Variants in TRPV4 observed in about 807,000 individuals in gnomAD.
The protein encoded by TRPV4 is transient receptor potential cation channel subfamily V member 4, also known as OSM9-like transient receptor potential channel 4.
A neutral mutation model predicts 84.1 loss-of-function variants in TRPV4; 58 were observed. That is an observed-to-expected ratio of 0.69 (90% CI 0.56 to 0.86). The LOEUF (loss-of-function observed/expected upper bound fraction) is 0.86, where lower values mean the gene tolerates loss of function less well. Among genes scored for constraint, TRPV4 ranks in the 40% least tolerant of loss-of-function variants. TRPV4 has a pLI of 0.00. For missense variants in TRPV4, 879 were observed against 1,181.1 expected, an observed-to-expected ratio of 0.74 and a Z score of 3.75; for synonymous variants, 489 against 500.9, an observed-to-expected ratio of 0.98 and a Z score of 0.32.
intron 5 of TRPV4, among the ~76,000 whole-genome samples, 160 bp from the exon 6 acceptor site, chr12:109,799,072 G>A (rs1890611385): frequency 6.6e-6 from 1 of 152,178 alleles, no homozygotes; most frequent in Non-Finnish European, 1.5e-5. Context: ...GTGATGCCAG[G>A]GAGATGGGGT....
intron 3 of TRPV4, among the ~76,000 whole-genome samples, chr12:109,805,690 C>T (rs1277268098): frequency 6.6e-6 from 1 of 152,146 alleles, no homozygotes; most frequent in Non-Finnish European, 1.5e-5. Context: ...AGGGCCTTAG[C>T]CAGGGGCCCT....
At chr12:109,829,417 A>G (rs1018107862) in intron 1 of TRPV4, among the ~76,000 whole-genome samples, 3 of 152,238 alleles carry the variant, frequency 2.0e-5, no homozygotes, top group Non-Finnish European at 4.4e-5. Flanking sequence ...AAGTAAAAAA[A>G]GTTGACAGCT....
intron 4 of TRPV4, among the ~76,000 whole-genome samples, chr12:109,802,216 A>G (rs1434140417): frequency 6.7e-6 from 1 of 149,632 alleles, no homozygotes; most frequent in African/African-American, 2.5e-5. Context: ...TGAAGCCTTG[A>G]CCCTCTGAGC....
At position 109,793,781 on chromosome 12, in the gene TRPV4, AG is replaced by A. The variant is rs1890190807; in HGVS notation, c.1584+148del. On this transcript the variant is annotated intron_variant, in intron 9 of 15. Coordinates refer to ENST00000261740, the MANE Select transcript of TRPV4 (RefSeq NM_021625.5). This position sits in a 1 kb window ranked among gnomAD's most constrained non-coding sequence, Gnocchi z 4.0. Reference sequence around the variant, plus strand: ...GAGATGGAGAACGTGGGATTGGAGGAGGTAGAAGAGAAATGGGAAAATAAAA... The same window carrying A: ...GAGATGGAGAACGTGGGATTGGAGGAGTAGAAGAGAAATGGGAAAATAAAA... 1 of 814,776 alleles carries A rather than the reference AG, an allele frequency of 1.2e-6. No homozygotes were observed. Among genetic ancestry groups the A allele is most frequent in the African/African-American group, 1.7e-5 (1 of 58,560 alleles). The allele number at this position is 814,776 out of a possible 1,614,324, so 50.5% of individuals were successfully genotyped here.
chr12:109,810,028 G>A (rs906868588), intron 2 of TRPV4, among the ~76,000 whole-genome samples: 6 of 152,216 alleles, frequency 3.9e-5, no homozygotes, highest in East Asian at 3.8e-4. Context: ...GGCAGATGGC[G>A]GAAGGGTGTG....
Position 109,800,823 on chromosome 12 carries a change from G to T in TRPV4, c.713-65C>A, listed in dbSNP as rs1213193781. ...AGAGACCTAGCCAGGCTTGCTGGGG[G>T]TGGGGGTAGGGTGCAGGACGTAGAA... is the stretch of plus-strand genomic sequence containing the variant. On this transcript the variant is annotated intron_variant, in intron 4 of 15. Coordinates refer to ENST00000261740, the MANE Select transcript of TRPV4 (RefSeq NM_021625.5). 4.5e-6 allele frequency: 7 copies of T among 1,555,978 alleles called. No homozygotes were observed. The African/African-American group carries it at 8.1e-5, about 18-fold the overall frequency.
rs766929903 is a variant in TRPV4 at position 109,784,297 on chromosome 12, C to G, written c.2458+19G>C. 6.2e-7 allele frequency: 1 copy of G among 1,614,078 alleles called. No individual in the cohort carries two copies. Among genetic ancestry groups the G allele is most frequent in the Non-Finnish European group, 8.5e-7 (1 of 1,179,988 alleles). On this transcript the variant is annotated intron_variant, in intron 15 of 15. Coordinates refer to ENST00000261740, the MANE Select transcript of TRPV4 (RefSeq NM_021625.5). Reference sequence around the variant, plus strand: ...GAGAATGGACTGGGGCTCCCCTCCGCACCCGCCCCTCCACTCACCCCTGCG... The same window carrying G: ...GAGAATGGACTGGGGCTCCCCTCCGGACCCGCCCCTCCACTCACCCCTGCG...
At chr12:109,819,353 C>T (rs572893606) in intron 1 of TRPV4, among the ~76,000 whole-genome samples, 7 of 152,312 alleles carry the variant, frequency 4.6e-5, no homozygotes, top group African/African-American at 9.6e-5. Context: ...CCTCCATGGG[C>T]GTGTGCATGT....
chr12:109,827,174 C>T (rs908718858), intron 1 of TRPV4, among the ~76,000 whole-genome samples: 8 of 152,178 alleles, frequency 5.3e-5, no homozygotes, highest in Admixed American at 4.6e-4. Flanking sequence ...GCTTACGGAG[C>T]ACCTGCTATG....
intron 8 of TRPV4, 149 bp downstream of exon 8, chr12:109,794,180 C>G (rs1016361368): frequency 8.5e-7 from 1 of 1,174,744 alleles, no homozygotes; most frequent in Non-Finnish European, 1.2e-6. Flanking sequence ...CAGGGCCACC[C>G]GTGGATGCTG....
chr12:109,810,200 C>A (rs2136626734), intron 2 of TRPV4, among the ~76,000 whole-genome samples: 1 of 152,354 alleles, frequency 6.6e-6, no homozygotes, highest in Non-Finnish European at 1.5e-5. Context: ...CCCAGGGCCA[C>A]CATGAGGCAG....
At chr12:109,823,166 C>T (rs571220507) in intron 1 of TRPV4, among the ~76,000 whole-genome samples, 1 of 152,342 alleles carries the variant, frequency 6.6e-6, no homozygotes, top group African/African-American at 2.4e-5. Context: ...GGGCATCATG[C>T]CATGCCCAGC....
chr12:109,828,057 C>T (rs1264242174), intron 1 of TRPV4, among the ~76,000 whole-genome samples: 3 of 152,184 alleles, frequency 2.0e-5, no homozygotes, highest in Non-Finnish European at 4.4e-5. Flanking sequence ...GACTGAGGAG[C>T]TCTTTGTGCA....
At chr12:109,794,817 A>C (rs1226590864) in intron 7 of TRPV4, among the ~76,000 whole-genome samples, 1 of 152,210 alleles carries the variant, frequency 6.6e-6, no homozygotes, top group Non-Finnish European at 1.5e-5. Context: ...CAGCAGTTCA[A>C]GATCAGCCTG....
chr12:109,818,931 A>C (rs2136688206), intron 1 of TRPV4, among the ~76,000 whole-genome samples: 1 of 152,266 alleles, frequency 6.6e-6, no homozygotes, highest in South Asian at 2.1e-4. Flanking sequence ...CCCACTTTAC[A>C]GCTAAGGAAA....
chr12:109,794,195 G>A, intron 8 of TRPV4, 134 bp downstream of exon 8: 1 of 1,255,726 alleles, frequency 8.0e-7, no homozygotes, highest in South Asian at 1.3e-5. Flanking sequence ...ATGCTGGAGG[G>A]CGCCTCCCCA....
In TRPV4 at chr12:109,798,831, G is replaced by T; in HGVS notation, c.935C>A (p.Ala312Glu). ...TCGCGAGTCCTGGCGCCGCATGTCC[G>T]CCTTCTTGTGGGGGTTCTCCGTCAG... The part of the protein sequence containing the change: ...NYLTENPHKK[A>E]DMRRQDSRGN... The change falls in exon 6 of 16, where the codon GCG becomes GAG. Residue 312 changes from alanine (A) to glutamate (E), a missense_variant. Physicochemically the swap from Ala to Glu is moderately radical, Grantham distance 107. Around this residue, in one of 4 missense-constraint regions of TRPV4, gnomAD observed 521 missense variants for 686.6 expected, o/e 0.76. Coordinates refer to ENST00000261740, the MANE Select transcript of TRPV4 (RefSeq NM_021625.5). This position sits in a 1 kb window ranked among gnomAD's most constrained non-coding sequence, Gnocchi z 5.0. 1.9e-6 allele frequency: 3 copies of T among 1,614,100 alleles called. No individual in the cohort carries two copies. Among genetic ancestry groups the T allele is most frequent in the Non-Finnish European group, 2.5e-6 (3 of 1,180,030 alleles).
At chr12:109,794,116 C>A in intron 8 of TRPV4, 94 bp from the exon 9 acceptor site, 1 of 1,182,700 alleles carries the variant, frequency 8.5e-7, no homozygotes, top group Non-Finnish European at 1.2e-6. Flanking sequence ...ACATCGGCAT[C>A]CCATGGAGCC....
intron 3 of TRPV4, among the ~76,000 whole-genome samples, chr12:109,806,178 C>A (rs918681933): frequency 6.6e-6 from 1 of 152,062 alleles, no homozygotes; most frequent in African/African-American, 2.4e-5. Flanking sequence ...GAATATTTTT[C>A]ATAAATCCAG....
Sources: allele counts gnomAD v4.1 joint callset (sites outside exome capture counted in the v4.1 genomes callset), GRCh38; gene constraint gnomAD v4.1.1; regional missense constraint gnomAD v4.1.1; non-coding constraint Gnocchi (gnomAD v3.1); transcripts MANE v1.5; gene names NCBI Gene and HGNC (gene_info 2026-07-23, HGNC 2026-07-21).